The following PCNX3 variants were observed in gnomAD, a reference collection of about 807,000 sequenced individuals.
The protein encoded by PCNX3 is pecanex 3.
PCNX3 carries 58 observed loss-of-function variants against 207.2 expected under a neutral mutation model. The observed-to-expected ratio is 0.28, with a 90% CI of 0.23 to 0.35. PCNX3 has a LOEUF of 0.35. Among genes scored for constraint, PCNX3 ranks in the 10% least tolerant of loss-of-function variants. PCNX3 has a pLI of 1.00. For missense variants in PCNX3, 2,410 were observed against 2,774.4 expected (o/e 0.87, Z 2.95); for synonymous variants, 1,337 against 1,183.5 (o/e 1.13, Z -2.66).
Position 65,616,940 on chromosome 11 carries a change from C to T in PCNX3, c.270C>T (p.Ile90=), listed in dbSNP as rs377251273. Residue 90 remains isoleucine, a synonymous_variant, in exon 2 of 35, where the codon ATC becomes ATT. Transcript: ENST00000355703. ...ATGCCATGTTTGACCAGGGCGAGATCGTGGAGAAGCGCAGCTCTACCATGG... is the reference window on the plus strand; with the variant it reads ...ATGCCATGTTTGACCAGGGCGAGATTGTGGAGAAGCGCAGCTCTACCATGG... ...RLHAMFDQGE[I]VEKRSSTMGE... The T allele has an allele frequency of 2.5e-6, 4 of 1,613,384 alleles. No individual in the cohort carries two copies. The highest frequency in any genetic ancestry group is 2.2e-5 in the East Asian group (1 of 44,894).
rs1213543868 is a variant in PCNX3 at position 65,619,579 on chromosome 11, G to A, written c.1748G>A (p.Arg583Lys). ...TGRRDRSSSV[R>K]RTQAIRRRHN... ...AGGCGGGACCGCTCAAGCAGTGTGA[G>A]GCGGACCCAGGCCATTCGGAGACGC... is the stretch of plus-strand genomic sequence containing the variant. Residue 583 changes from arginine to lysine, a missense_variant, in exon 7 of 35, where the codon AGG becomes AAG. Arg to Lys is a conservative substitution (Grantham distance 26, BLOSUM62 2). This residue lies in a region of PCNX3 where 1,104 missense variants were observed against 970.3 expected (regional missense o/e 1.14). Coordinates refer to ENST00000355703, the MANE Select transcript of PCNX3 (RefSeq NM_032223.4). 9 of 1,609,118 alleles carry A rather than the reference G, an allele frequency of 5.6e-6. No individual in the cohort carries two copies. Among genetic ancestry groups the A allele is most frequent in the Non-Finnish European group, 6.8e-6 (8 of 1,179,286 alleles).
intron 8 of PCNX3, 124 bp from the exon 9 acceptor site, chr11:65,620,215 G>T (rs1382924343): frequency 6.6e-6 from 7 of 1,060,004 alleles, no homozygotes; most frequent in Non-Finnish European, 9.4e-6. Context: ...CCAGAGGCTG[G>T]GCTGCCCTCT....
At chr11:65,617,842 G>A (rs1854829297) in intron 5 of PCNX3, 98 bp from the exon 6 acceptor site, 1 of 1,464,128 alleles carries the variant, frequency 6.8e-7, no homozygotes, top group Non-Finnish European at 9.2e-7. Flanking sequence ...CTGTGGCTGG[G>A]CTCTCAGGGA....
intron 11 of PCNX3, 120 bp from the exon 12 acceptor site, chr11:65,623,371 A>C (rs183267146): frequency 1.5e-6 from 2 of 1,321,312 alleles, no homozygotes; most frequent in East Asian, 5.3e-5. Context: ...TCTTCAGAGG[A>C]CAAGGGTCTG....
chr11:65,636,793 A>G lies in PCNX3; in HGVS notation c.5920A>G (p.Ser1974Gly), dbSNP rs1167897884. 9.8e-6 allele frequency: 15 copies of G among 1,534,494 alleles called. No individual in the cohort carries two copies. Among genetic ancestry groups the G allele is most frequent in the Non-Finnish European group, 1.3e-5 (15 of 1,141,556 alleles). ...QAPLDLSLSL[S>G]LSLSPDVSTE... The stretch of plus-strand genomic sequence containing the variant: ...GCCTCTAGACCTCAGCCTCAGCCTC[A>G]GCCTCAGCCTCAGCCCCGATGTCAG... Residue 1974 changes from serine to glycine, a missense_variant, in exon 35 of 35, where the codon AGC becomes GGC. Ser to Gly is a moderately conservative substitution (Grantham distance 56, BLOSUM62 0). Coordinates refer to ENST00000355703, the MANE Select transcript of PCNX3 (RefSeq NM_032223.4).
chr11:65,616,743 C>A, intron 1 of PCNX3, 81 bp from the exon 2 acceptor site: 1 of 1,464,476 alleles, frequency 6.8e-7, no homozygotes, highest in Non-Finnish European at 9.3e-7. Context: ...GTCTGTGAAT[C>A]CCAGCTATGA....
At position 65,624,538 on chromosome 11, in the gene PCNX3, G is replaced by A. The variant is rs1855279361; in HGVS notation, c.2784G>A (p.Met928Ile). ...GLLPQVNTCL[M>I]YLLEQIDMHG... is the part of the protein sequence containing the mutation. Reference sequence around the variant, plus strand: ...TGCCCCAGGTCAACACCTGCCTCATGTACCTGCTGGAGCAAATAGATATGC... The same window carrying A: ...TGCCCCAGGTCAACACCTGCCTCATATACCTGCTGGAGCAAATAGATATGC... Residue 928 changes from methionine (M) to isoleucine (I), a missense_variant, in exon 15 of 35, where the codon ATG becomes ATA. Coordinates refer to ENST00000355703, the MANE Select transcript of PCNX3 (RefSeq NM_032223.4). 6.2e-7 allele frequency: 1 copy of A among 1,608,956 alleles called. No homozygotes were observed. The highest frequency in any genetic ancestry group is 8.5e-7 in the Non-Finnish European group (1 of 1,177,724).
intron 11 of PCNX3, among the ~76,000 whole-genome samples, chr11:65,622,912 C>CT (rs944782190): frequency 9.9e-5 from 15 of 150,880 alleles, no homozygotes; most frequent in Non-Finnish European, 2.1e-4. Flanking sequence ...ATCCTATTCA[C>CT]TTTTTTTTTA....
rs766729690 is a variant in PCNX3 at position 65,635,098 on chromosome 11, G to A, written c.4931G>A (p.Arg1644His). Residue 1644 changes from arginine to histidine, a missense_variant, in exon 30 of 35, where the codon CGC becomes CAC. By Grantham distance (29) the Arg-to-His change is conservative. This residue lies in a region of PCNX3 where 420 missense variants were observed against 705.3 expected (regional missense o/e 0.60). Transcript: ENST00000355703. The surrounding 1 kb of genome is among the most constrained non-coding windows in gnomAD (Gnocchi z 9.9). ...LLHRVVAPGV[R>H]MALKLHQDHF... ...CACCGCGTTGTGGCGCCTGGGGTTC[G>A]CATGGCCCTCAAGCTTCACCAGGTT... 6 of 1,613,352 alleles carry A rather than the reference G, an allele frequency of 3.7e-6. No homozygotes were observed. The highest frequency in any genetic ancestry group is 1.1e-5 in the South Asian group (1 of 91,022).
intron 24 of PCNX3, 28 bp from the exon 25 acceptor site, chr11:65,629,329 A>G (rs1356453362): frequency 2.4e-5 from 38 of 1,602,286 alleles, no homozygotes; most frequent in Non-Finnish European, 3.0e-5. Flanking sequence ...TTCTTGGCCA[A>G]CCGCCTTGTT....
chr11:65,634,409 C>G, intron 28 of PCNX3, 53 bp downstream of exon 28: 5 of 1,520,570 alleles, frequency 3.3e-6, no homozygotes, highest in Non-Finnish European at 4.4e-6. Context: ...CCTGGGCTTC[C>G]CTGCTCCCCT....
intron 6 of PCNX3, chr11:65,619,301 C>G (rs867811424): frequency 4.3e-6 from 2 of 461,782 alleles, no homozygotes; most frequent in African/African-American, 4.2e-5. Context: ...CCTGAGGACT[C>G]TCATCATCCA....
intron 9 of PCNX3, 79 bp downstream of exon 9, chr11:65,620,508 G>A: frequency 1.3e-6 from 2 of 1,483,338 alleles, no homozygotes; most frequent in South Asian, 1.2e-5. Context: ...CCTGGAGTTT[G>A]CTCTCTTCCT....
At position 65,628,926 on chromosome 11, in the gene PCNX3, A is replaced by G. The variant is rs1165938215; in HGVS notation, c.3919A>G (p.Lys1307Glu). Residue 1307 changes from lysine (K) to glutamate (E), a missense_variant, in exon 24 of 35, where the codon AAG becomes GAG. Lys to Glu is a moderately conservative substitution (Grantham distance 56). Coordinates refer to ENST00000355703, the MANE Select transcript of PCNX3 (RefSeq NM_032223.4). Reference sequence around the variant, plus strand: ...CATCATGTCCTACGCTCGGCCCCTCAAGTTCTGGGAGCGCGACTACAAGTG... The same window carrying G: ...CATCATGTCCTACGCTCGGCCCCTCGAGTTCTGGGAGCGCGACTACAAGTG... ...VFIMSYARPL[K>E]FWERDYNTKR... 4 of 1,611,840 alleles carry G rather than the reference A, an allele frequency of 2.5e-6. No individual in the cohort carries two copies. The highest frequency in any genetic ancestry group is 3.4e-6 in the Non-Finnish European group (4 of 1,179,790).
At chr11:65,624,903 T>C (rs1275378735) in intron 15 of PCNX3, 22 bp from the exon 16 acceptor site, 1 of 1,596,306 alleles carries the variant, frequency 6.3e-7, no homozygotes, top group Non-Finnish European at 8.5e-7. Context: ...AGAGCTGGGC[T>C]GTACTTCTCC....
chr11:65,633,377 T>C (rs557422771), intron 27 of PCNX3, among the ~76,000 whole-genome samples: 31 of 152,350 alleles, frequency 2.0e-4, no homozygotes, highest in African/African-American at 7.5e-4. Context: ...GCCTGATGGC[T>C]GTCATGCTTC....
chr11:65,627,596 T>C lies in PCNX3; in HGVS notation c.3702+14T>C, dbSNP rs754893463. ...CTTTGCAGCAAGGTGAGTTGGTGGC[T>C]GTGGCCCAGACCCCAGGCTGTCCAA... On this transcript the variant is annotated intron_variant, in intron 22 of 34. Transcript: ENST00000355703. 3.1e-6 allele frequency: 5 copies of C among 1,613,250 alleles called. No individual in the cohort carries two copies. The East Asian group carries it at 6.7e-5, about 22-fold the overall frequency.
At position 65,616,852 on chromosome 11, in the gene PCNX3, G is replaced by T. The variant is rs373068240; in HGVS notation, c.182G>T (p.Gly61Val). The change falls in exon 2 of 35, where the codon GGC becomes GTC. Residue 61 changes from glycine to valine, a missense_variant. This residue lies in a region of PCNX3 where 1,104 missense variants were observed against 970.3 expected (regional missense o/e 1.14). Coordinates refer to ENST00000355703, the MANE Select transcript of PCNX3 (RefSeq NM_032223.4). Reference sequence around the variant, plus strand: ...CTGCCTCCCAGCTTGATGGTGGCCGGCGTGTACTGCCTCGTGGTGGCTGTC... The same window carrying T: ...CTGCCTCCCAGCTTGATGGTGGCCGTCGTGTACTGCCTCGTGGTGGCTGTC... ...MVLPPSLMVA[G>V]VYCLVVAVIF... is the part of the protein sequence containing the mutation. 5 of 1,613,478 alleles carry T rather than the reference G, an allele frequency of 3.1e-6. No individual in the cohort carries two copies. The Admixed American group carries it at 8.3e-5, about 27-fold the overall frequency.
chr11:65,631,866 T>G (rs1565170082), intron 27 of PCNX3, among the ~76,000 whole-genome samples: 1 of 152,086 alleles, frequency 6.6e-6, no homozygotes, highest in Non-Finnish European at 1.5e-5. Flanking sequence ...GCCCTGGCTG[T>G]CCTTCTCCAA....
Sources: gnomAD v4.1 joint callset for allele counts (sites outside exome capture counted in the v4.1 genomes callset) on GRCh38, gnomAD v4.1.1 for gene constraint, gnomAD v4.1.1 regional missense constraint, Gnocchi (gnomAD v3.1) non-coding constraint, MANE v1.5 for transcripts, NCBI Gene and HGNC (gene_info 2026-07-23, HGNC 2026-07-21) for gene names.